NHLRC2: variants seen among roughly 807,000 people sequenced by gnomAD.
NHLRC2 encodes NHL repeat-containing protein 2.
A neutral mutation model predicts 68.1 loss-of-function variants in NHLRC2; 33 were observed. The observed-to-expected ratio is 0.48, with a 90% CI of 0.37 to 0.65. The LOEUF (loss-of-function observed/expected upper bound fraction) is 0.65. Among genes scored for constraint, NHLRC2 ranks in the 30% least tolerant of loss-of-function variants. The pLI is 0.00. For missense variants in NHLRC2, 761 were observed against 853.8 expected (o/e 0.89, Z 1.35); for synonymous variants, 311 against 309.6 (o/e 1.00, Z -0.05).
rs1006331810 is a variant in NHLRC2 at position 113,909,216 on chromosome 10, A to G, written c.*680A>G. On this transcript the variant is annotated 3_prime_UTR_variant, in exon 11 of 11. Transcript: ENST00000369301. ...AAACTTTGTACAGATAAAGTTGGACATAGAATCTCTAAGGACTGACTCCTT... is the reference window on the plus strand; with the variant it reads ...AAACTTTGTACAGATAAAGTTGGACGTAGAATCTCTAAGGACTGACTCCTT... 3 of 152,212 alleles carry G rather than the reference A, an allele frequency of 2.0e-5. No individual in the cohort carries two copies. The highest frequency in any genetic ancestry group is 4.8e-5 in the African/African-American group (2 of 41,464). 9.4% of individuals were successfully genotyped at this position (152,212 alleles called of 1,614,324 possible).
chr10:113,898,192 C>T lies in NHLRC2; in HGVS notation c.1122C>T (p.Gly374=). 3 of 1,610,664 alleles carry T rather than the reference C, an allele frequency of 1.9e-6. No homozygotes were observed. The highest frequency in any genetic ancestry group is 2.5e-6 in the Non-Finnish European group (3 of 1,177,026). The change falls in exon 6 of 11, where the codon GGC becomes GGT. Residue 374 remains glycine (G), a synonymous_variant. Coordinates refer to ENST00000369301, the MANE Select transcript of NHLRC2 (RefSeq NM_198514.4). ...HQIWALLLDS[G]KLPKKNELTK... The stretch of plus-strand genomic sequence containing the variant: ...TATGGGCACTCCTGCTGGACTCTGG[C>T]AAACTGCCAAAGAAAAAGTAAGTGA...
chr10:113,869,197 G>C (rs1421436134), intron 2 of NHLRC2, among the ~76,000 whole-genome samples: 1 of 152,192 alleles, frequency 6.6e-6, no homozygotes, highest in Non-Finnish European at 1.5e-5. Context: ...GCTGATAAGA[G>C]CAATAGGACT....
rs769894060 is a variant in NHLRC2 at position 113,901,775 on chromosome 10, T to A, written c.1249T>A (p.Leu417Met). ...TTTTGCCCAACCTTCAGGCCTTTCC[T>A]TGGCCTCTGAAGATCCCTGGAGCTG... ...AGFAQPSGLS[L>M]ASEDPWSCLF... Residue 417 changes from leucine to methionine, a missense_variant, in exon 7 of 11, where the codon TTG (leucine) becomes ATG (methionine). Transcript: ENST00000369301. 7 of 1,614,030 alleles carry A rather than the reference T, an allele frequency of 4.3e-6. No homozygotes were observed. In the Admixed American group the frequency reaches 1.2e-4, roughly 27 times the overall value.
Position 113,912,025 on chromosome 10 carries a change from A to G in NHLRC2, c.*3489A>G, listed in dbSNP as rs982945118. On this transcript the variant is annotated 3_prime_UTR_variant, in exon 11 of 11. Coordinates refer to ENST00000369301, the MANE Select transcript of NHLRC2 (RefSeq NM_198514.4). ...CATTTTTATTACCAGAGCTCAGAAC[A>G]TTGTTTGGAGTCCTTTGATCTACCG... 3.3e-5 allele frequency: 5 copies of G among 152,160 alleles called. No individual in the cohort carries two copies. The highest frequency in any genetic ancestry group is 1.2e-4 in the African/African-American group (5 of 41,438). 9.4% of individuals were successfully genotyped at this position (152,160 alleles called of 1,614,324 possible).
At chr10:113,883,614 G>A (rs1846055206) in intron 4 of NHLRC2, among the ~76,000 whole-genome samples, 1 of 151,824 alleles carries the variant, frequency 6.6e-6, no homozygotes, top group Non-Finnish European at 1.5e-5. Context: ...GATGAAAGCA[G>A]AACATATTTT....
chr10:113,861,322 G>A (rs939810736), intron 2 of NHLRC2, among the ~76,000 whole-genome samples: 3 of 152,170 alleles, frequency 2.0e-5, no homozygotes, highest in Admixed American at 6.5e-5. Flanking sequence ...AAGAAGTTTA[G>A]TAAACTCCAA....
chr10:113,874,442 T>TTGTGTGTGTGTG (rs58207579), intron 2 of NHLRC2, among the ~76,000 whole-genome samples: 1 of 125,652 alleles, frequency 8.0e-6, no homozygotes, highest in Admixed American at 8.0e-5. Flanking sequence ...AGGCATGTGT[T>TTGTGTGTGTGTG]TGTGTGTGTG....
intron 2 of NHLRC2, among the ~76,000 whole-genome samples, chr10:113,866,713 T>C (rs1014119979): frequency 1.3e-5 from 2 of 152,000 alleles, no homozygotes; most frequent in Admixed American, 6.6e-5. Context: ...CTTTGTGTCA[T>C]TGTTCTCAAA....
In NHLRC2 at chr10:113,864,338, C is replaced by T. The variant is rs1345123765; in HGVS notation, c.331+5658C>T. Among the ~76,000 whole-genome samples, 3 of 152,062 alleles carry T rather than the reference C, an allele frequency of 2.0e-5. No individual in the cohort carries two copies. In the East Asian group the frequency reaches 5.8e-4, roughly 29 times the overall value. ...AATGGTCGCACAGCAATAGGAATGT[C>T]CTAAATACCTTGAACTGTACACTTA... On this transcript the variant is annotated intron_variant, in intron 2 of 10. Coordinates refer to ENST00000369301, the MANE Select transcript of NHLRC2 (RefSeq NM_198514.4).
At chr10:113,889,341 G>A (rs775334709) in intron 5 of NHLRC2, among the ~76,000 whole-genome samples, 1 of 151,788 alleles carries the variant, frequency 6.6e-6, no homozygotes, top group Non-Finnish European at 1.5e-5. Context: ...GTATTTATGT[G>A]CTTCAATAAA....
intron 5 of NHLRC2, among the ~76,000 whole-genome samples, chr10:113,888,993 A>G (rs563793049): frequency 1.3e-3 from 192 of 149,588 alleles, no homozygotes; most frequent in Middle Eastern, 6.9e-3. Flanking sequence ...TGCCTGGCTA[A>G]TTTTTGTATT....
intron 2 of NHLRC2, among the ~76,000 whole-genome samples, chr10:113,862,850 A>G (rs1428591320): frequency 6.6e-6 from 1 of 152,212 alleles, no homozygotes; most frequent in African/African-American, 2.4e-5. Flanking sequence ...TTATATACTA[A>G]TAAAAAGCCC....
At chr10:113,905,629 A>G (rs1846269034) in intron 10 of NHLRC2, among the ~76,000 whole-genome samples, 1 of 152,096 alleles carries the variant, frequency 6.6e-6, no homozygotes, top group South Asian at 2.1e-4. Flanking sequence ...CTTGTCTCTA[A>G]TGATATTCCT....
intron 8 of NHLRC2, 58 bp downstream of exon 8, chr10:113,902,651 T>C (rs752017407): frequency 6.9e-5 from 103 of 1,494,050 alleles, no homozygotes; most frequent in Non-Finnish European, 9.4e-5. Flanking sequence ...TTTAAAATGC[T>C]GAAAGATCTG....
intron 2 of NHLRC2, among the ~76,000 whole-genome samples, chr10:113,863,361 ATAAC>A (rs901340205): frequency 8.6e-5 from 13 of 152,028 alleles, no homozygotes; most frequent in African/African-American, 3.1e-4. Flanking sequence ...ACACTCTTAA[ATAAC>A]CAGTGGACCA....
rs1333026490 is a variant in NHLRC2 at position 113,858,629 on chromosome 10, A to T, written c.280A>T (p.Ile94Phe). 1 of 1,610,998 alleles carries T rather than the reference A, an allele frequency of 6.2e-7. No individual in the cohort carries two copies. The highest frequency in any genetic ancestry group is 8.5e-7 in the Non-Finnish European group (1 of 1,177,188). The change falls in exon 2 of 11, where the codon ATT becomes TTT. Residue 94 changes from isoleucine (I) to phenylalanine (F), a missense_variant. Physicochemically the swap from Ile to Phe is conservative, Grantham distance 21 (BLOSUM62 0). Transcript: ENST00000369301. ...CTTCACCTACTGCTGCATAAACTGT[A>T]TTCACCTATTGCCTGATCTCCATGC... Reference protein sequence around the residue: ...DFFTYCCINCIHLLPDLHALE... With the variant: ...DFFTYCCINCFHLLPDLHALE...
rs551021788 is a variant in NHLRC2, at chr10:113,915,361, G to T, written c.*6825G>T. 2.6e-6 allele frequency: 1 copy of T among 391,794 alleles called. No homozygotes were observed. The highest frequency in any genetic ancestry group is 7.2e-5 in the East Asian group (1 of 13,970). The allele number at this position is 391,794 out of a possible 1,614,324, so 24.3% of individuals were successfully genotyped here. On this transcript the variant is annotated 3_prime_UTR_variant, in exon 11 of 11. Coordinates refer to ENST00000369301, the MANE Select transcript of NHLRC2 (RefSeq NM_198514.4). ...GCATTCTTGTAACTGTCAGGGCATG[G>T]TATGAATTCCTTCCTCTTTAAGCAG...
chr10:113,871,592 C>G (rs748985349), intron 2 of NHLRC2, among the ~76,000 whole-genome samples: 47 of 152,206 alleles, frequency 3.1e-4, no homozygotes, highest in Admixed American at 2.2e-3. Context: ...TACTGTACTT[C>G]TGTTTTTATA....
Position 113,908,760 on chromosome 10 carries a change from A to G in NHLRC2, c.*224A>G, listed in dbSNP as rs1846297526. The G allele has an allele frequency of 3.6e-6, 2 of 549,576 alleles. No individual in the cohort carries two copies. Among genetic ancestry groups the G allele is most frequent in the East Asian group, 3.1e-5 (1 of 32,570 alleles). 34.0% of individuals were successfully genotyped at this position (549,576 alleles called of 1,614,324 possible). A position where few individuals can be genotyped will look rare whatever the true frequency, so the allele number is the denominator to read the frequency against. ...GATACTAGCTGAGTCATTGATCATC[A>G]TTGGTACCATGATATTGTAATCTAT... On this transcript the variant is annotated 3_prime_UTR_variant, in exon 11 of 11. Coordinates refer to ENST00000369301, the MANE Select transcript of NHLRC2 (RefSeq NM_198514.4).
Sources: gnomAD v4.1 joint callset for allele counts (sites outside exome capture counted in the v4.1 genomes callset) on GRCh38, gnomAD v4.1.1 for gene constraint, MANE v1.5 for transcripts, NCBI Gene and HGNC (gene_info 2026-07-23, HGNC 2026-07-21) for gene names.